The following SLC26A7 variants were observed in gnomAD, a reference collection of about 807,000 sequenced individuals.
SLC26A7 encodes anion exchange transporter.
SLC26A7 carries 59 observed loss-of-function variants against 82.5 expected under a neutral mutation model. That is an observed-to-expected ratio of 0.72 (90% CI 0.58 to 0.89). The LOEUF is 0.89. Among genes scored for constraint, SLC26A7 ranks in the 40% least tolerant of loss-of-function variants. The pLI is 0.00. For synonymous variants in SLC26A7, 271 were observed against 274.3 expected (o/e 0.99, Z 0.12); for missense variants, 820 against 793.0 (o/e 1.03, Z -0.41).
intron 10 of SLC26A7, among the ~76,000 whole-genome samples, 194 bp from the exon 11 acceptor site, chr8:91,352,707 A>G (rs1176844156): frequency 6.6e-6 from 1 of 152,058 alleles, no homozygotes; most frequent in African/African-American, 2.4e-5. Flanking sequence ...TGAATTCTAG[A>G]ATATATATTA....
chr8:91,362,324 A>G (rs769552641), intron 11 of SLC26A7, 29 bp from the exon 12 acceptor site: 1 of 1,560,462 alleles, frequency 6.4e-7, no homozygotes, highest in South Asian at 1.1e-5. Context: ...CAAAGGATTC[A>G]CAACTTCTGT....
chr8:91,332,686 A>G (rs1813127320), intron 5 of SLC26A7, among the ~76,000 whole-genome samples: 1 of 151,032 alleles, frequency 6.6e-6, no homozygotes, highest in Admixed American at 6.6e-5. Context: ...GCATGCCACC[A>G]TACCCAGCTA....
chr8:91,348,037 G>T (rs528007746), intron 9 of SLC26A7, among the ~76,000 whole-genome samples: 8 of 152,126 alleles, frequency 5.3e-5, no homozygotes, highest in Non-Finnish European at 7.4e-5. Flanking sequence ...GGTATACCCA[G>T]GAGGGATGAG....
At chr8:91,327,861 A>G (rs566313963) in intron 5 of SLC26A7, among the ~76,000 whole-genome samples, 1 of 152,272 alleles carries the variant, frequency 6.6e-6, no homozygotes, top group East Asian at 1.9e-4. Flanking sequence ...TAGTGTAGAA[A>G]TATTTATTCA....
At chr8:91,301,979 G>T (rs1348739635) in intron 4 of SLC26A7, among the ~76,000 whole-genome samples, 1 of 151,974 alleles carries the variant, frequency 6.6e-6, no homozygotes, top group Admixed American at 6.6e-5. Flanking sequence ...ATTAAGAGAA[G>T]AGTTTTTAAT....
intron 5 of SLC26A7, among the ~76,000 whole-genome samples, chr8:91,332,334 T>G (rs987916539): frequency 1.4e-5 from 2 of 138,240 alleles, no homozygotes; most frequent in South Asian, 4.3e-4. Context: ...ATTTATATAT[T>G]ATATATAATA....
chr8:91,339,661 T>TTTATTTAA (rs1554611068), intron 7 of SLC26A7, among the ~76,000 whole-genome samples: 176 of 146,324 alleles, frequency 1.2e-3, no homozygotes, highest in African/African-American at 3.9e-3. Flanking sequence ...TATTTATTTA[T>TTTATTTAA]TTAATTTATT....
At chr8:91,218,763 A>G in intron 1 of SLC26A7, 1 of 581,974 alleles carries the variant, frequency 1.7e-6, no homozygotes, top group South Asian at 2.6e-5. Context: ...GAGCAAATCA[A>G]GCATAAATAG....
chr8:91,369,941 C>T, intron 15 of SLC26A7, 108 bp downstream of exon 15: 1 of 854,820 alleles, frequency 1.2e-6, no homozygotes, highest in South Asian at 1.6e-5. Flanking sequence ...CTCTTCTGTT[C>T]TTCTTCTTTT....
chr8:91,265,748 C>A (rs963158439), intron 2 of SLC26A7, among the ~76,000 whole-genome samples: 29 of 151,712 alleles, frequency 1.9e-4, no homozygotes, highest in African/African-American at 7.0e-4. Context: ...TTTGGATTTT[C>A]TTTGTGGGGT....
intron 4 of SLC26A7, among the ~76,000 whole-genome samples, chr8:91,306,378 T>C (rs1359094326): frequency 6.6e-6 from 1 of 152,210 alleles, no homozygotes; most frequent in Non-Finnish European, 1.5e-5. Flanking sequence ...GTGCTTTTCT[T>C]AGAGTCCTTC....
intron 8 of SLC26A7, among the ~76,000 whole-genome samples, chr8:91,342,004 T>C (rs948901082): frequency 6.6e-6 from 1 of 152,116 alleles, no homozygotes; most frequent in African/African-American, 2.4e-5. Flanking sequence ...CATGGCTCAC[T>C]GCGGCCTCAA....
chr8:91,247,755 A>G (rs910659524), upstream of SLC26A7, among the ~76,000 whole-genome samples: 2 of 152,180 alleles, frequency 1.3e-5, no homozygotes, highest in Admixed American at 6.5e-5. Context: ...TATGGAATTT[A>G]ACACAAATTT....
At chr8:91,342,097 T>A (rs1017734039) in intron 8 of SLC26A7, among the ~76,000 whole-genome samples, 1 of 151,660 alleles carries the variant, frequency 6.6e-6, no homozygotes, top group Non-Finnish European at 1.5e-5. Flanking sequence ...CTGGCTACTT[T>A]TTTTTTTCAT....
chr8:91,226,223 A>T (rs1023784549), intron 2 of SLC26A7, among the ~76,000 whole-genome samples: 13 of 152,322 alleles, frequency 8.5e-5, no homozygotes, highest in Admixed American at 5.2e-4. Context: ...CAATTTCAAG[A>T]CATCTAAAAT....
intron 15 of SLC26A7, among the ~76,000 whole-genome samples, chr8:91,386,362 A>G (rs993637707): frequency 2.0e-5 from 3 of 152,142 alleles, no homozygotes; most frequent in African/African-American, 7.2e-5. Context: ...GTTAAATATG[A>G]ATGCTAATTT....
At chr8:91,230,009 A>G (rs957190485) in intron 2 of SLC26A7, among the ~76,000 whole-genome samples, 1 of 152,104 alleles carries the variant, frequency 6.6e-6, no homozygotes, top group African/African-American at 2.4e-5. Context: ...TTTTTCCACC[A>G]TAGATTTTTG....
chr8:91,302,818 C>CTTTTTTTTTT (rs11333572), intron 4 of SLC26A7, among the ~76,000 whole-genome samples: 17 of 129,630 alleles, frequency 1.3e-4, no homozygotes, highest in African/African-American at 5.0e-4. Flanking sequence ...TTCCCCTTCT[C>CTTTTTTTTTT]TTTTTTTTTT....
chr8:91,376,061 G>A (rs964023957), intron 15 of SLC26A7, among the ~76,000 whole-genome samples: 5 of 151,926 alleles, frequency 3.3e-5, no homozygotes, highest in African/African-American at 1.2e-4. Flanking sequence ...TTCCTTTAGC[G>A]AGTTGTTTAA....
Sources: allele counts gnomAD v4.1 joint callset (sites outside exome capture counted in the v4.1 genomes callset), GRCh38; gene constraint gnomAD v4.1.1; transcripts MANE v1.5; gene names NCBI Gene and HGNC (gene_info 2026-07-23, HGNC 2026-07-21).